MITF: variants seen among roughly 807,000 people sequenced by gnomAD.
MITF encodes the protein microphthalmia-associated transcription factor.
A neutral mutation model predicts 60.5 loss-of-function variants in MITF; 17 were observed. That is an observed-to-expected ratio of 0.28 (90% confidence interval 0.19 to 0.42). The LOEUF (loss-of-function observed/expected upper bound fraction) is 0.42. MITF is among the 10% of genes least tolerant of loss of function. The pLI, the probability that MITF is intolerant of heterozygous loss-of-function variation, is 1.00. For missense variants in MITF, 622 were observed against 683.5 expected, an observed-to-expected ratio of 0.91 and a Z score of 1.00; for synonymous variants, 260 against 248.5, an observed-to-expected ratio of 1.05 and a Z score of -0.43.
intron 2 of MITF, among the ~76,000 whole-genome samples, chr3:69,882,511 A>C (rs960573848): frequency 2.6e-5 from 4 of 152,058 alleles, no homozygotes; most frequent in African/African-American, 9.7e-5. Flanking sequence ...TGCATAATGC[A>C]TTTTTTTGTA....
chr3:69,802,148 A>G (rs1360090309), intron 1 of MITF, among the ~76,000 whole-genome samples: 1 of 152,184 alleles, frequency 6.6e-6, no homozygotes, highest in Non-Finnish European at 1.5e-5. Flanking sequence ...TAGCTCCCAG[A>G]AGACATTGGG....
chr3:69,945,264 A>G (rs149722533), intron 5 of MITF, among the ~76,000 whole-genome samples: 2 of 152,192 alleles, frequency 1.3e-5, no homozygotes, highest in Non-Finnish European at 2.9e-5. Flanking sequence ...TCAGACCAGT[A>G]TGGGGGCATA....
chr3:69,931,869 A>T (rs1189312021), intron 2 of MITF, among the ~76,000 whole-genome samples: 3 of 152,226 alleles, frequency 2.0e-5, no homozygotes, highest in Non-Finnish European at 4.4e-5. Context: ...CTCTGCGGAC[A>T]GAATAATGGA....
At chr3:69,761,558 T>A (rs1352723098) in intron 1 of MITF, among the ~76,000 whole-genome samples, 2 of 152,192 alleles carry the variant, frequency 1.3e-5, no homozygotes, top group Non-Finnish European at 2.9e-5. Context: ...CTTATGTTGA[T>A]TTTTGAATGG....
At chr3:69,777,445 T>C (rs1266737590) in intron 1 of MITF, among the ~76,000 whole-genome samples, 1 of 152,234 alleles carries the variant, frequency 6.6e-6, no homozygotes, top group Non-Finnish European at 1.5e-5. Flanking sequence ...CAACTTCCTT[T>C]TTTGTTTCAA....
At chr3:69,842,547 A>G (rs1450604178) in intron 1 of MITF, among the ~76,000 whole-genome samples, 8 of 152,216 alleles carry the variant, frequency 5.3e-5, no homozygotes, top group South Asian at 2.1e-4. Context: ...AGTGTGATGC[A>G]TAACACTCTT....
At chr3:69,887,748 G>C (rs536039771) in intron 2 of MITF, among the ~76,000 whole-genome samples, 1 of 152,024 alleles carries the variant, frequency 6.6e-6, no homozygotes, top group South Asian at 2.1e-4. Context: ...TCTACCAGCT[G>C]TCTCTGGAGT....
rs571983157 is a variant in MITF, at chr3:69,861,744, A to G, written c.105-17390A>G. Among the ~76,000 whole-genome samples the G allele has an allele frequency of 3.9e-5, 6 of 152,294 alleles. No individual in the cohort carries two copies. In the South Asian group the frequency reaches 1.2e-3, roughly 32 times the overall value. ...GTGCCTCTCACACACATGCTGGGAA[A>G]ACTAATAAATGTTTGGATTGAAGGG... On this transcript the variant is annotated intron_variant, in intron 1 of 9. Coordinates refer to ENST00000352241, the MANE Select transcript of MITF (RefSeq NM_001354604.2).
intron 1 of MITF, among the ~76,000 whole-genome samples, chr3:69,743,369 T>C (rs1468061191): frequency 3.3e-5 from 5 of 152,228 alleles, no homozygotes; most frequent in African/African-American, 9.6e-5. Flanking sequence ...TTTGGTTTTT[T>C]GTTTTTGCAA....
intron 1 of MITF, among the ~76,000 whole-genome samples, chr3:69,825,005 C>G (rs551522607): frequency 6.7e-6 from 1 of 149,298 alleles, no homozygotes; most frequent in Non-Finnish European, 1.5e-5. Context: ...TCTGCCATTC[C>G]TATATTCTTT....
intron 1 of MITF, among the ~76,000 whole-genome samples, chr3:69,860,673 C>G (rs1223731768): frequency 6.6e-6 from 1 of 151,232 alleles, no homozygotes; most frequent in Non-Finnish European, 1.5e-5. Flanking sequence ...TATTTTTATC[C>G]TCTGGACAGA....
intron 1 of MITF, among the ~76,000 whole-genome samples, chr3:69,755,370 A>G (rs1340307503): frequency 5.4e-5 from 8 of 147,924 alleles, no homozygotes; most frequent in African/African-American, 2.0e-4. Context: ...ATCTTTATCC[A>G]ATATAAGCCA....
intron 1 of MITF, among the ~76,000 whole-genome samples, chr3:69,831,375 C>A (rs1241684134): frequency 6.6e-6 from 1 of 152,154 alleles, no homozygotes; most frequent in African/African-American, 2.4e-5. Flanking sequence ...CTTTCCTCTT[C>A]CATGGTGGGG....
rs1368537467 is a variant in MITF, at chr3:69,810,730, T to A, written c.105-68404T>A. ...TGTGAGGGATAAATGAGGCCATTCA[T>A]GCAGTTGTTCATTTGACAGATATTT... On this transcript the variant is annotated intron_variant, in intron 1 of 9. Coordinates refer to ENST00000352241, the MANE Select transcript of MITF (RefSeq NM_001354604.2). Among the ~76,000 whole-genome samples, 6 of 152,336 alleles carry A rather than the reference T, an allele frequency of 3.9e-5. No individual in the cohort carries two copies. The East Asian group carries it at 1.2e-3, about 29-fold the overall frequency.
At chr3:69,821,870 G>C (rs757292110) in intron 1 of MITF, among the ~76,000 whole-genome samples, 1 of 152,114 alleles carries the variant, frequency 6.6e-6, no homozygotes, top group South Asian at 2.1e-4. Flanking sequence ...AGCCTCCCGA[G>C]TAGCTGGGAT....
intron 9 of MITF, among the ~76,000 whole-genome samples, chr3:69,960,232 C>T (rs963287045): frequency 6.6e-6 from 1 of 152,044 alleles, no homozygotes; most frequent in African/African-American, 2.4e-5. Context: ...CTTGGGAACA[C>T]CCAGAGGATC....
intron 2 of MITF, among the ~76,000 whole-genome samples, chr3:69,914,756 G>A (rs2065298571): frequency 6.6e-6 from 1 of 152,158 alleles, no homozygotes. Flanking sequence ...TAAAATAGGA[G>A]ATTAAGAAGA....
intron 2 of MITF, among the ~76,000 whole-genome samples, chr3:69,907,435 A>G (rs1231187542): frequency 6.6e-6 from 1 of 152,218 alleles, no homozygotes; most frequent in South Asian, 2.1e-4. Flanking sequence ...ATATTGCAGC[A>G]GAACAAGCAA....
rs1318255597 is a variant in MITF, at chr3:69,739,842, C to T, written c.104+141C>T. ...GCCCCGGAGCAGAGGGCGAACTGCCCCTCGCAGTTGGGGGCCGCGCCTGCC... is the reference window on the plus strand; with the variant it reads ...GCCCCGGAGCAGAGGGCGAACTGCCTCTCGCAGTTGGGGGCCGCGCCTGCC... On this transcript the variant is annotated intron_variant, in intron 1 of 9. Coordinates refer to ENST00000352241, the MANE Select transcript of MITF (RefSeq NM_001354604.2). The T allele has an allele frequency of 1.4e-4, 93 of 662,398 alleles. 1 individual carries two copies. The East Asian group carries it at 2.2e-3, about 16-fold the overall frequency. 41.0% of individuals were successfully genotyped at this position (662,398 alleles called of 1,614,324 possible). A position where few individuals can be genotyped will look rare whatever the true frequency, so the allele number is the denominator to read the frequency against.
Sources: gnomAD v4.1 joint callset for allele counts (sites outside exome capture counted in the v4.1 genomes callset) on GRCh38, gnomAD v4.1.1 for gene constraint, MANE v1.5 for transcripts, NCBI Gene and HGNC (gene_info 2026-07-23, HGNC 2026-07-21) for gene names.